The following PRTG variants were observed in gnomAD, a reference collection of about 807,000 sequenced individuals.
PRTG encodes immunoglobulin superfamily, DCC subclass, member 5.
In PRTG, 67 loss-of-function variants were observed where a neutral mutation model predicts 122.5. The ratio of observed to expected loss-of-function variants is 0.55; its 90% CI spans 0.45 to 0.67. PRTG has a LOEUF of 0.67. Ranked by LOEUF, PRTG falls within the 30% of genes least tolerant of loss-of-function variation. PRTG has a pLI of 0.00. For synonymous variants in PRTG, 554 were observed against 501.1 expected, an observed-to-expected ratio of 1.11 and a Z score of -1.41; for missense variants, 1,435 against 1,415.4, an observed-to-expected ratio of 1.01 and a Z score of -0.22.
chr15:55,654,185 A>G (rs537428950), intron 11 of PRTG, among the ~76,000 whole-genome samples: 1 of 152,306 alleles, frequency 6.6e-6, no homozygotes, highest in South Asian at 2.1e-4. Flanking sequence ...CACTGGCCCC[A>G]TTTGGTAAGA....
chr15:55,704,614 T>C (rs1374653604), intron 2 of PRTG, among the ~76,000 whole-genome samples: 1 of 152,328 alleles, frequency 6.6e-6, no homozygotes, highest in East Asian at 1.9e-4. Context: ...CAGTGGTATT[T>C]AGTACTCCTT....
chr15:55,680,194 A>G lies in PRTG; in HGVS notation c.833T>C (p.Val278Ala). The G allele has an allele frequency of 6.2e-7, 1 of 1,609,782 alleles. No homozygotes were observed. The highest frequency in any genetic ancestry group is 1.1e-5 in the South Asian group (1 of 90,914). The stretch of plus-strand genomic sequence containing the variant: ...ATTTCCAAGTACCCGAGTATTAAAG[A>G]CATCAATGGATTTGTGATCTATTTC... ...WSRLDHKSID[V>A]FNTRVLGNGN... Residue 278 changes from valine (V) to alanine (A), a missense_variant, in exon 6 of 20, where the codon GTC becomes GCC. Val to Ala is a moderately conservative substitution (Grantham distance 64, BLOSUM62 0). Coordinates refer to ENST00000389286, the MANE Select transcript of PRTG (RefSeq NM_173814.6).
At chr15:55,631,059 C>T (rs1360485186) in intron 15 of PRTG, among the ~76,000 whole-genome samples, 1 of 152,126 alleles carries the variant, frequency 6.6e-6, no homozygotes, top group Non-Finnish European at 1.5e-5. Context: ...GGCAGCCAAA[C>T]CTCCAGCAGC....
rs745565788 is a variant in PRTG at position 55,624,546 on chromosome 15, T to A, written c.2928-39A>T. The A allele has an allele frequency of 4.1e-5, 64 of 1,575,726 alleles. No individual in the cohort carries two copies. In the East Asian group the frequency reaches 7.3e-4, roughly 18 times the overall value. On this transcript the variant is annotated intron_variant, in intron 17 of 19. Transcript: ENST00000389286. ...AAGAAGAGGAAGTCTTCTAATTTCA[T>A]AGAAGATGCAGGCAAATGAACCACC...
intron 2 of PRTG, among the ~76,000 whole-genome samples, chr15:55,697,437 T>C (rs2059637736): frequency 1.3e-5 from 2 of 152,154 alleles, no homozygotes; most frequent in Admixed American, 6.6e-5. Context: ...TTGCCTCTTA[T>C]CTCCCTCAGA....
chr15:55,716,232 A>G (rs767643346), intron 2 of PRTG, among the ~76,000 whole-genome samples: 40 of 152,294 alleles, frequency 2.6e-4, no homozygotes, highest in Non-Finnish European at 5.0e-4. Flanking sequence ...CTCTGTCTCA[A>G]AAACAGAAAA....
chr15:55,620,677 T>A lies in PRTG; in HGVS notation c.3184A>T (p.Ile1062Leu), dbSNP rs1438914. The change falls in exon 19 of 20, where the codon ATA becomes TTA. Residue 1062 changes from isoleucine (I) to leucine (L), a missense_variant. Transcript: ENST00000389286. Reference sequence around the variant, plus strand: ...AGATAGGTTACCTGCTCAACTTGTATCTTCTTTGAGTCTTGGAAAAAAAAC... The same window carrying A: ...AGATAGGTTACCTGCTCAACTTGTAACTTCTTTGAGTCTTGGAAAAAAAAC... Reference protein sequence around the residue: ...KWFFFQDSKKIQVEQPQRRFT... With the variant: ...KWFFFQDSKKLQVEQPQRRFT... 154,216 of 1,591,938 alleles carry A rather than the reference T, an allele frequency of 0.097. 8,568 individuals are homozygous for A. The highest frequency in any genetic ancestry group is 0.11 in the Non-Finnish European group (131,225 of 1,174,182).
intron 11 of PRTG, among the ~76,000 whole-genome samples, chr15:55,670,183 T>C (rs1038986046): frequency 6.6e-6 from 1 of 152,100 alleles, no homozygotes. Flanking sequence ...TAGAAAATTT[T>C]GAAGAATTGC....
intron 2 of PRTG, among the ~76,000 whole-genome samples, chr15:55,715,462 G>C (rs574354746): frequency 6.6e-6 from 1 of 152,174 alleles, no homozygotes; most frequent in East Asian, 1.9e-4. Flanking sequence ...AAGCAGGAGC[G>C]TGAAGCCCTG....
chr15:55,640,038 A>G (rs2059280980), intron 12 of PRTG: 1 of 734,436 alleles, frequency 1.4e-6, no homozygotes, highest in Non-Finnish European at 1.7e-6. Flanking sequence ...ATGCATCACT[A>G]AAGAACAGGC....
At position 55,616,691 on chromosome 15, in the gene PRTG, G is replaced by A. The variant is rs2059143262; in HGVS notation, c.*3321C>T. The A allele has an allele frequency of 6.6e-6, 1 of 152,088 alleles. No homozygotes were observed. Among genetic ancestry groups the A allele is most frequent in the Non-Finnish European group, 1.5e-5 (1 of 67,982 alleles). The allele number at this position is 152,088 out of a possible 1,614,324, so 9.4% of individuals were successfully genotyped here. ...GTACAACTATATTTGCCTATATGCGGAGGTAACCTTAAATATCTTTGGTTT... is the reference window on the plus strand; with the variant it reads ...GTACAACTATATTTGCCTATATGCGAAGGTAACCTTAAATATCTTTGGTTT... On this transcript the variant is annotated 3_prime_UTR_variant, in exon 20 of 20. Coordinates refer to ENST00000389286, the MANE Select transcript of PRTG (RefSeq NM_173814.6).
At chr15:55,667,829 C>CCATCCTGG (rs1372373153) in intron 11 of PRTG, among the ~76,000 whole-genome samples, 3 of 152,152 alleles carry the variant, frequency 2.0e-5, no homozygotes, top group African/African-American at 7.2e-5. Context: ...CTCACACCTA[C>CCATCCTGG]CATCCTGGCA....
chr15:55,623,436 G>A (rs1020105323), intron 18 of PRTG, among the ~76,000 whole-genome samples: 1 of 152,072 alleles, frequency 6.6e-6, no homozygotes, highest in Non-Finnish European at 1.5e-5. Flanking sequence ...GCATGGTGGC[G>A]CACGCCTGTA....
At position 55,673,598 on chromosome 15, in the gene PRTG, G is replaced by A. The variant is rs377560131; in HGVS notation, c.1625C>T (p.Ala542Val). The change falls in exon 10 of 20, where the codon GCC (alanine) becomes GTC (valine). Residue 542 changes from alanine (A) to valine (V), a missense_variant. Coordinates refer to ENST00000389286, the MANE Select transcript of PRTG (RefSeq NM_173814.6). ...CACCACTTGGCCCCGCCGATATTTG[G>A]CTGGGATTGGCAGCCAGGAGATGAG... ...DILISWLPIP[A>V]KYRRGQVVLY... 3 of 1,614,072 alleles carry A rather than the reference G, an allele frequency of 1.9e-6. No homozygotes were observed. The highest frequency in any genetic ancestry group is 1.3e-5 in the African/African-American group (1 of 74,938).
rs2031071822 is a variant in PRTG, at chr15:55,727,377, G to A, written c.397+13005C>T. ...AGATGATAAGAAAATACTATGAACT[G>A]ACAAATCAGATAGCCTAGATGAAAT... is the stretch of plus-strand genomic sequence containing the variant. On this transcript the variant is annotated intron_variant, in intron 2 of 19. Coordinates refer to ENST00000389286, the MANE Select transcript of PRTG (RefSeq NM_173814.6). Among the ~76,000 whole-genome samples, 3 of 151,984 alleles carry A rather than the reference G, an allele frequency of 2.0e-5. No homozygotes were observed. In the South Asian group the frequency reaches 6.2e-4, roughly 32 times the overall value.
At chr15:55,692,584 G>A (rs1438015318) in intron 2 of PRTG, among the ~76,000 whole-genome samples, 1 of 151,950 alleles carries the variant, frequency 6.6e-6, no homozygotes, top group African/African-American at 2.4e-5. Context: ...ACATGTTAAG[G>A]CAAACTGGGA....
At chr15:55,675,464 T>A in intron 9 of PRTG, 55 bp downstream of exon 9, 1 of 1,260,148 alleles carries the variant, frequency 7.9e-7, no homozygotes, top group South Asian at 1.6e-5. Context: ...TTCATTGAAA[T>A]TGACAAAACA....
At chr15:55,646,936 T>TA (rs2059327656) in intron 11 of PRTG, among the ~76,000 whole-genome samples, 2 of 152,116 alleles carry the variant, frequency 1.3e-5, no homozygotes, top group South Asian at 4.1e-4. Context: ...AGGACTGGTC[T>TA]AACCCTCCTT....
At chr15:55,681,847 G>A (rs1482725700) in intron 4 of PRTG, among the ~76,000 whole-genome samples, 3 of 152,178 alleles carry the variant, frequency 2.0e-5, no homozygotes, top group African/African-American at 4.8e-5. Flanking sequence ...TTTTAAAAAC[G>A]AAAGTGAAAT....
Sources: allele counts gnomAD v4.1 joint callset (sites outside exome capture counted in the v4.1 genomes callset), GRCh38; gene constraint gnomAD v4.1.1; transcripts MANE v1.5; gene names NCBI Gene and HGNC (gene_info 2026-07-23, HGNC 2026-07-21).